Variants in PLOD2 observed in about 807,000 individuals in gnomAD.
PLOD2 encodes procollagen-lysine,2-oxoglutarate 5-dioxygenase 2.
Under a neutral mutation model 101.0 loss-of-function variants are expected in PLOD2, and 65 were observed. That is an observed-to-expected ratio of 0.64 (90% confidence interval 0.53 to 0.79). The LOEUF (loss-of-function observed/expected upper bound fraction) is 0.79, where lower values mean the gene tolerates loss of function less well. Ranked by LOEUF, PLOD2 falls within the 30% of genes least tolerant of loss-of-function variation. PLOD2 has a pLI of 0.00. For missense variants in PLOD2, 909 were observed against 914.6 expected (o/e 0.99, Z 0.08); for synonymous variants, 314 against 302.9 (o/e 1.04, Z -0.38).
intron 3 of PLOD2, among the ~76,000 whole-genome samples, chr3:146,115,551 T>C (rs1937868470): frequency 6.6e-6 from 1 of 152,142 alleles, no homozygotes; most frequent in Non-Finnish European, 1.5e-5. Context: ...ATTGATTCCA[T>C]CTACTTAATT....
intron 1 of PLOD2, among the ~76,000 whole-genome samples, chr3:146,144,191 A>C (rs2108129507): frequency 6.6e-6 from 1 of 152,232 alleles, no homozygotes; most frequent in African/African-American, 2.4e-5. Context: ...TTCCCAATAC[A>C]TTTGTTTACC....
intron 1 of PLOD2, among the ~76,000 whole-genome samples, chr3:146,132,910 A>G (rs547668237): frequency 7.2e-5 from 11 of 152,310 alleles, no homozygotes; most frequent in African/African-American, 2.2e-4. Context: ...TGGATCCGGT[A>G]GCTCATGCCT....
At chr3:146,134,008 G>A (rs1224365567) in intron 1 of PLOD2, among the ~76,000 whole-genome samples, 2 of 152,138 alleles carry the variant, frequency 1.3e-5, no homozygotes, top group Admixed American at 6.5e-5. Context: ...AGTAGGTTCA[G>A]GGGTCTAGCA....
At chr3:146,089,660 T>G (rs900618918) in intron 8 of PLOD2, among the ~76,000 whole-genome samples, 1 of 151,644 alleles carries the variant, frequency 6.6e-6, no homozygotes, top group African/African-American at 2.4e-5. Context: ...TAATAACATA[T>G]GCTCACATAA....
Position 146,077,920 on chromosome 3 carries a change from A to G in PLOD2, c.1505T>C (p.Leu502Ser), listed in dbSNP as rs767311488. Residue 502 changes from leucine (L) to serine (S), a missense_variant, in exon 14 of 20, where the codon TTA (leucine) becomes TCA (serine). Coordinates refer to ENST00000282903, the MANE Select transcript of PLOD2 (RefSeq NM_182943.3). ...AGTAGGGGAGTCTTTTTCCCTTTGT[A>G]AAGTCTAAAATGAAGAGAAGCATTG... ...ALCRNAREMT[L>S]QREKDSPTPE... 10 of 1,587,220 alleles carry G rather than the reference A, an allele frequency of 6.3e-6. No individual in the cohort carries two copies. In the East Asian group the frequency reaches 1.6e-4, roughly 25 times the overall value.
intron 3 of PLOD2, among the ~76,000 whole-genome samples, chr3:146,119,356 T>C (rs1447180457): frequency 2.0e-5 from 3 of 152,184 alleles, no homozygotes; most frequent in African/African-American, 7.2e-5. Context: ...ATCTCTTTTC[T>C]TTATAAATTA....
Position 146,077,941 on chromosome 3 carries a change from C to T in PLOD2, c.1501-17G>A. On this transcript the variant is annotated splice_polypyrimidine_tract_variant and intron_variant, in intron 13 of 19. Transcript: ENST00000282903. ...TTGTAAAGTCTAAAATGAAGAGAAGCATTGGGTAAGTTGACCTGTACACCC... is the reference window on the plus strand; with the variant it reads ...TTGTAAAGTCTAAAATGAAGAGAAGTATTGGGTAAGTTGACCTGTACACCC... The T allele has an allele frequency of 6.6e-7, 1 of 1,513,670 alleles. No homozygotes were observed. The highest frequency in any genetic ancestry group is 9.2e-7 in the Non-Finnish European group (1 of 1,088,984). 93.8% of individuals were successfully genotyped at this position (1,513,670 alleles called of 1,614,324 possible). A position where few individuals can be genotyped will look rare whatever the true frequency, so the allele number is the denominator to read the frequency against.
intron 1 of PLOD2, among the ~76,000 whole-genome samples, chr3:146,146,808 A>C (rs375755499): frequency 4.7e-4 from 71 of 152,356 alleles, no homozygotes; most frequent in South Asian, 1.2e-3. Flanking sequence ...GCTAAAGCCC[A>C]TTCTTCCAGG....
chr3:146,073,242 A>G, intron 16 of PLOD2, 45 bp downstream of exon 16: 4 of 776,870 alleles, frequency 5.1e-6, no homozygotes, highest in Non-Finnish European at 8.5e-6. Flanking sequence ...TTCTTCTGGA[A>G]AATAACAGCA....
intron 7 of PLOD2, among the ~76,000 whole-genome samples, chr3:146,092,872 GTGGTATGAGCAT>G (rs1937023682): frequency 6.6e-6 from 1 of 152,154 alleles, no homozygotes; most frequent in Non-Finnish European, 1.5e-5. Context: ...ATACCCAGTA[GTGGTATGAGCAT>G]TCATATTAAT....
At chr3:146,145,550 T>C (rs897644704) in intron 1 of PLOD2, among the ~76,000 whole-genome samples, 1 of 152,150 alleles carries the variant, frequency 6.6e-6, no homozygotes, top group Non-Finnish European at 1.5e-5. Flanking sequence ...AGCCATAAGC[T>C]TAACTATAGT....
chr3:146,148,346 A>G (rs2031892073), intron 1 of PLOD2, among the ~76,000 whole-genome samples: 2 of 151,578 alleles, frequency 1.3e-5, no homozygotes, highest in African/African-American at 2.4e-5. Flanking sequence ...ACGCACACAC[A>G]CACACACACA....
At chr3:146,085,509 T>C (rs187507559) in intron 10 of PLOD2, 2 of 530,592 alleles carry the variant, frequency 3.8e-6, no homozygotes, top group Admixed American at 3.6e-5. Context: ...AGTTAAAATA[T>C]ATTTTCAAGC....
At chr3:146,125,646 C>T (rs757078694) in intron 1 of PLOD2, among the ~76,000 whole-genome samples, 3 of 151,910 alleles carry the variant, frequency 2.0e-5, no homozygotes, top group Non-Finnish European at 4.4e-5. Flanking sequence ...ACTTAAGAGG[C>T]TGAGATAGGA....
intron 11 of PLOD2, among the ~76,000 whole-genome samples, chr3:146,083,946 T>C (rs1029436581): frequency 7.2e-5 from 11 of 151,902 alleles, no homozygotes; most frequent in Admixed American, 7.2e-4. Context: ...GTCAAATACA[T>C]AGTGTAAATT....
intron 5 of PLOD2, among the ~76,000 whole-genome samples, chr3:146,105,952 T>C (rs962545307): frequency 6.6e-5 from 10 of 152,222 alleles, no homozygotes; most frequent in Admixed American, 1.3e-4. Context: ...AAAACAATTA[T>C]AGCTGCCAAG....
At chr3:146,117,449 CTG>C (rs569264884) in intron 3 of PLOD2, among the ~76,000 whole-genome samples, 60 of 152,176 alleles carry the variant, frequency 3.9e-4, no homozygotes, top group Non-Finnish European at 7.6e-4. Flanking sequence ...ATTCATTACT[CTG>C]TATAAACTTT....
intron 3 of PLOD2, 73 bp from the exon 4 acceptor site, chr3:146,110,521 T>C (rs747483437): frequency 2.4e-6 from 3 of 1,257,312 alleles, no homozygotes; most frequent in African/African-American, 1.5e-5. Flanking sequence ...TGAAAAGTTC[T>C]CTAACAAAAG....
At chr3:146,083,196 G>T (rs915797755) in intron 11 of PLOD2, among the ~76,000 whole-genome samples, 1 of 152,106 alleles carries the variant, frequency 6.6e-6, no homozygotes, top group Non-Finnish European at 1.5e-5. Flanking sequence ...ATACCTCAAT[G>T]TTTTTGTGAA....
Sources: gnomAD v4.1 joint callset for allele counts (sites outside exome capture counted in the v4.1 genomes callset) on GRCh38, gnomAD v4.1.1 for gene constraint, MANE v1.5 for transcripts, NCBI Gene and HGNC (gene_info 2026-07-23, HGNC 2026-07-21) for gene names.